The following ZNF687 variants were observed in gnomAD, a reference collection of about 807,000 sequenced individuals.
ZNF687 encodes the protein zinc finger protein 687.
A neutral mutation model predicts 71.8 loss-of-function variants in ZNF687; 13 were observed. That is an observed-to-expected ratio of 0.18 (90% confidence interval 0.12 to 0.29). ZNF687 has a LOEUF of 0.29. Ranked by LOEUF, ZNF687 falls within the 10% of genes least tolerant of loss-of-function variation. The pLI is 1.00. For synonymous variants in ZNF687, 673 were observed against 641.6 expected, an observed-to-expected ratio of 1.05 and a Z score of -0.74; for missense variants, 1,412 against 1,625.6, an observed-to-expected ratio of 0.87 and a Z score of 2.26.
intron 7 of ZNF687, 55 bp from the exon 8 acceptor site, chr1:151,290,377 G>A: frequency 1.2e-6 from 2 of 1,613,260 alleles, no homozygotes; most frequent in East Asian, 2.2e-5. Flanking sequence ...TCAGAAGCAA[G>A]GGCCCTGGCC....
chr1:151,287,283 GGATCAAGA>G lies in ZNF687; in HGVS notation c.993_1000del (p.Ile332HisfsTer2). On this transcript the variant is annotated frameshift_variant, in exon 2 of 9. Transcript: ENST00000336715. LOFTEE classifies it high-confidence loss of function. This position sits in a 1 kb window ranked among gnomAD's most constrained non-coding sequence, Gnocchi z 5.0. The stretch of plus-strand genomic sequence containing the variant: ...AGCTCCTCTAGGCCTCTTAAGGTGC[GGATCAAGA>G]CCATTAAAACATCCTGCGGGAATAT... 1 of 1,614,160 alleles carries G rather than the reference GGATCAAGA, an allele frequency of 6.2e-7. No individual in the cohort carries two copies. The highest frequency in any genetic ancestry group is 1.1e-5 in the South Asian group (1 of 91,080).
rs369579592 is a variant in ZNF687 at position 151,286,882 on chromosome 1, T to G, written c.591T>G (p.Ser197=). Reference sequence around the variant, plus strand: ...CTCTGACCCCGCCTCCTTTCCCCTCTTCCTTTGAGCTGGCCCAGGAGAATG... The same window carrying G: ...CTCTGACCCCGCCTCCTTTCCCCTCGTCCTTTGAGCTGGCCCAGGAGAATG... ...EGALTPPPFP[S]SFELAQENGP... The change falls in exon 2 of 9, where the codon TCT becomes TCG. Residue 197 remains serine (S), a synonymous_variant. Transcript: ENST00000336715. 6.2e-7 allele frequency: 1 copy of G among 1,613,150 alleles called. No individual in the cohort carries two copies. Among genetic ancestry groups the G allele is most frequent in the Non-Finnish European group, 8.5e-7 (1 of 1,179,506 alleles).
At chr1:151,281,590 C>T, upstream of ZNF687, 1 of 471,248 alleles carries the variant, frequency 2.1e-6, no homozygotes, top group Non-Finnish European at 4.4e-6. Flanking sequence ...GCCCCGTCCA[C>T]GCCCTCCCGC....
chr1:151,287,099 C>G lies in ZNF687; in HGVS notation c.808C>G (p.Gln270Glu). 9 of 1,613,930 alleles carry G rather than the reference C, an allele frequency of 5.6e-6. No individual in the cohort carries two copies. Among genetic ancestry groups the G allele is most frequent in the Non-Finnish European group, 6.8e-6 (8 of 1,179,844 alleles). ...VPFFKQSPGH[Q>E]SPLASPKVPV... is the part of the protein sequence containing the mutation. ...CTTCTTCAAGCAGTCTCCAGGGCAC[C>G]AGAGCCCTCTTGCCTCCCCCAAAGT... Residue 270 changes from glutamine to glutamate, a missense_variant, in exon 2 of 9, where the codon CAG becomes GAG. By Grantham distance (29) the Gln-to-Glu change is conservative. This residue lies in a region of ZNF687 where 490 missense variants were observed against 489.9 expected (regional missense o/e 1.00). Coordinates refer to ENST00000336715, the MANE Select transcript of ZNF687 (RefSeq NM_020832.3). The surrounding 1 kb of genome is among the most constrained non-coding windows in gnomAD (Gnocchi z 5.0).
rs903938403 is a variant in ZNF687 at position 151,286,817 on chromosome 1, C to G, written c.526C>G (p.Pro176Ala). 6.2e-7 allele frequency: 1 copy of G among 1,614,212 alleles called. No homozygotes were observed. The highest frequency in any genetic ancestry group is 8.5e-7 in the Non-Finnish European group (1 of 1,180,032). Residue 176 changes from proline to alanine, a missense_variant, in exon 2 of 9, where the codon CCG becomes GCG. Pro to Ala is a conservative substitution (Grantham distance 27). This residue lies in a region of ZNF687 where 490 missense variants were observed against 489.9 expected (regional missense o/e 1.00). Coordinates refer to ENST00000336715, the MANE Select transcript of ZNF687 (RefSeq NM_020832.3). ...FGPEPGDHSD[P>A]LPPSAPSPTR... ...CCCTGAGCCAGGGGACCACTCAGATCCGCTGCCTCCCTCTGCACCCTCTCC... is the reference window on the plus strand; with the variant it reads ...CCCTGAGCCAGGGGACCACTCAGATGCGCTGCCTCCCTCTGCACCCTCTCC...
At position 151,283,500 on chromosome 1, in the gene ZNF687, G is replaced by C. The variant is rs79212650; in HGVS notation, c.-18+1105G>C. Among the ~76,000 whole-genome samples, 659 of 152,150 alleles carry C rather than the reference G, an allele frequency of 4.3e-3. 5 individuals carry two copies. The highest frequency in any genetic ancestry group is 0.014 in the Middle Eastern group (4 of 294). ...AGCTTGGCGGCTTGCTTGGTCGACTGTCTGCTCTGGGTGGGTGGCCATCGG... is the reference window on the plus strand; with the variant it reads ...AGCTTGGCGGCTTGCTTGGTCGACTCTCTGCTCTGGGTGGGTGGCCATCGG... On this transcript the variant is annotated intron_variant, in intron 1 of 8. Coordinates refer to ENST00000336715, the MANE Select transcript of ZNF687 (RefSeq NM_020832.3).
chr1:151,290,374 C>T (rs1398837435), intron 7 of ZNF687, 58 bp from the exon 8 acceptor site: 2 of 1,613,172 alleles, frequency 1.2e-6, no homozygotes, highest in Non-Finnish European at 8.5e-7. Flanking sequence ...TCCTCAGAAG[C>T]AAGGGCCCTG....
rs1326719201 is a variant in ZNF687, at chr1:151,282,402, G to A, written c.-18+7G>A. 2 of 987,146 alleles carry A rather than the reference G, an allele frequency of 2.0e-6. No homozygotes were observed. Among genetic ancestry groups the A allele is most frequent in the Non-Finnish European group, 2.4e-6 (2 of 830,472 alleles). The allele number at this position is 987,146 out of a possible 1,614,324, so 61.1% of individuals were successfully genotyped here. Reference sequence around the variant, plus strand: ...CGCACCAGGAGCGGAACAAGTAAGCGTGCCTGGGGTAAATACCCGCCCTTG... The same window carrying A: ...CGCACCAGGAGCGGAACAAGTAAGCATGCCTGGGGTAAATACCCGCCCTTG... On this transcript the variant is annotated splice_region_variant and intron_variant, in intron 1 of 8. Coordinates refer to ENST00000336715, the MANE Select transcript of ZNF687 (RefSeq NM_020832.3).
chr1:151,290,023 G>A lies in ZNF687; in HGVS notation c.2964+16G>A. The A allele has an allele frequency of 6.3e-7, 1 of 1,595,858 alleles. No homozygotes were observed. Among genetic ancestry groups the A allele is most frequent in the Non-Finnish European group, 8.6e-7 (1 of 1,169,090 alleles). On this transcript the variant is annotated intron_variant, in intron 6 of 8. Coordinates refer to ENST00000336715, the MANE Select transcript of ZNF687 (RefSeq NM_020832.3). ...GCATGGCAAGGTGAGTGGGCCCCAA[G>A]GGGAGTACCATGGGCTGGGGGCAGC... is the stretch of plus-strand genomic sequence containing the variant.
chr1:151,289,954 T>G lies in ZNF687; in HGVS notation c.2911T>G (p.Trp971Gly). 6.4e-7 allele frequency: 1 copy of G among 1,570,292 alleles called. No homozygotes were observed. The highest frequency in any genetic ancestry group is 1.4e-5 in the African/African-American group (1 of 73,832). ...CTGGACCTGTGGCCTGTGTCACTCC[T>G]GGTTCCCTGAGCGTGATGAATACGT... ...GGWTCGLCHS[W>G]FPERDEYVAH... The change falls in exon 6 of 9, where the codon TGG (tryptophan) becomes GGG (glycine). Residue 971 changes from tryptophan to glycine, a missense_variant. By Grantham distance (184) the Trp-to-Gly change is radical (BLOSUM62 -2). Coordinates refer to ENST00000336715, the MANE Select transcript of ZNF687 (RefSeq NM_020832.3).
rs753837597 is a variant in ZNF687 at position 151,287,530 on chromosome 1, G to A, written c.1239G>A (p.Met413Ile). The A allele has an allele frequency of 1.7e-5, 27 of 1,614,162 alleles. 1 individual carries two copies. In the East Asian group the frequency reaches 5.6e-4, roughly 33 times the overall value. The change falls in exon 2 of 9, where the codon ATG becomes ATA. Residue 413 changes from methionine to isoleucine, a missense_variant. By Grantham distance (10) the Met-to-Ile change is conservative (BLOSUM62 1). Around this residue, in one of 8 missense-constraint regions of ZNF687, gnomAD observed 133 missense variants for 155.1 expected, o/e 0.86. Transcript: ENST00000336715. This position sits in a 1 kb window ranked among gnomAD's most constrained non-coding sequence, Gnocchi z 5.0. ...VATIQNASTA[M>I]LMAASVARKA... ...CCATCCAGAACGCCAGTACTGCCAT[G>A]CTGATGGCAGCCAGTGTGGCTCGCA...
In ZNF687 at chr1:151,290,777, A is replaced by G. The variant is rs1303782201; in HGVS notation, c.3282A>G (p.Thr1094=). 6.2e-7 allele frequency: 1 copy of G among 1,613,410 alleles called. No individual in the cohort carries two copies. Among genetic ancestry groups the G allele is most frequent in the Non-Finnish European group, 8.5e-7 (1 of 1,179,848 alleles). ...DSCSEEPDST[T]PPAKSPRGGP... ...GCAGTGAGGAGCCTGACAGCACGAC[A>G]CCGCCAGCCAAGTCCCCCAGGGGCG... Residue 1094 remains threonine, a synonymous_variant, in exon 9 of 9, where the codon ACA becomes ACG. Coordinates refer to ENST00000336715, the MANE Select transcript of ZNF687 (RefSeq NM_020832.3).
At position 151,288,529 on chromosome 1, in the gene ZNF687, T is replaced by C. The variant is rs767314678; in HGVS notation, c.2117T>C (p.Val706Ala). ...TTCCTTGTTTAACCCACTCGACAGG[T>C]GTGCCCAACCTGCCCCATGATGCTC... The part of the protein sequence containing the change: ...GPPAPGATSN[V>A]CPTCPMMLPN... Residue 706 changes from valine (V) to alanine (A), a missense_variant and splice_region_variant, in exon 3 of 9, where the codon GTG (valine) becomes GCG (alanine). Physicochemically the swap from Val to Ala is moderately conservative, Grantham distance 64 (BLOSUM62 0). Transcript: ENST00000336715. 14 of 1,601,290 alleles carry C rather than the reference T, an allele frequency of 8.7e-6. No homozygotes were observed. Among genetic ancestry groups the C allele is most frequent in the Admixed American group, 8.5e-5 (5 of 59,170 alleles).
Position 151,291,034 on chromosome 1 carries a change from C to T in ZNF687, c.3539C>T (p.Pro1180Leu), listed in dbSNP as rs755066245. Reference protein sequence around the residue: ...LGLGDGEEEAPPSRSDPDGGD... With the variant: ...LGLGDGEEEALPSRSDPDGGD... ...CTGGGGGATGGGGAGGAAGAGGCCC[C>T]TCCATCAAGGTCTGACCCCGATGGT... Residue 1180 changes from proline (P) to leucine (L), a missense_variant, in exon 9 of 9, where the codon CCT becomes CTT. Coordinates refer to ENST00000336715, the MANE Select transcript of ZNF687 (RefSeq NM_020832.3). The T allele has an allele frequency of 1.2e-6, 2 of 1,613,900 alleles. No individual in the cohort carries two copies. The highest frequency in any genetic ancestry group is 1.1e-5 in the South Asian group (1 of 91,084).
Position 151,287,361 on chromosome 1 carries a change from C to A in ZNF687, c.1070C>A (p.Ala357Asp). ...GTCCCCTCAGATCCTGATCCACCTG[C>A]CCCCTTGGCTGAGGGGGCCTTCTTG... Reference protein sequence around the residue: ...TQVPSDPDPPAPLAEGAFLAE... With the variant: ...TQVPSDPDPPDPLAEGAFLAE... Residue 357 changes from alanine to aspartate, a missense_variant, in exon 2 of 9, where the codon GCC becomes GAC. This residue lies in a region of ZNF687 where 490 missense variants were observed against 489.9 expected (regional missense o/e 1.00). Transcript: ENST00000336715. This position sits in a 1 kb window ranked among gnomAD's most constrained non-coding sequence, Gnocchi z 5.0. 1 of 1,614,214 alleles carries A rather than the reference C, an allele frequency of 6.2e-7. No individual in the cohort carries two copies. The highest frequency in any genetic ancestry group is 8.5e-7 in the Non-Finnish European group (1 of 1,180,034).
chr1:151,282,047 GCAGACGGA>G, upstream of ZNF687: 1 of 1,282,790 alleles, frequency 7.8e-7, no homozygotes, highest in Middle Eastern at 2.2e-4. Flanking sequence ...CGTAGATGGG[GCAGACGGA>G]CCCCGGCGCA....
In ZNF687 at chr1:151,287,398, C is replaced by T. The variant is rs1268214207; in HGVS notation, c.1107C>T (p.Ser369=). 1.9e-6 allele frequency: 3 copies of T among 1,614,058 alleles called. No individual in the cohort carries two copies. The highest frequency in any genetic ancestry group is 2.7e-5 in the African/African-American group (2 of 74,928). The part of the protein sequence containing the change: ...LAEGAFLAEA[S]LLKLSPATPT... ...AGGGGGCCTTCTTGGCTGAGGCTAG[C>T]CTCTTGAAGCTGTCCCCTGCAACAC... Residue 369 remains serine (S), a synonymous_variant, in exon 2 of 9, where the codon AGC becomes AGT. Transcript: ENST00000336715. This position sits in a 1 kb window ranked among gnomAD's most constrained non-coding sequence, Gnocchi z 5.0.
Position 151,288,643 on chromosome 1 carries a change from A to C in ZNF687, c.2231A>C (p.Gln744Pro). Residue 744 changes from glutamine to proline, a missense_variant, in exon 3 of 9, where the codon CAA (glutamine) becomes CCA (proline). Gln to Pro is a moderately conservative substitution (Grantham distance 76). Coordinates refer to ENST00000336715, the MANE Select transcript of ZNF687 (RefSeq NM_020832.3). ...CCTGAGTGTGGGGGCAACTTCCTGC[A>C]AGCCAATTTTCAGACCCATCTCCGG... ...VCPECGGNFL[Q>P]ANFQTHLREA... 1 of 1,614,114 alleles carries C rather than the reference A, an allele frequency of 6.2e-7. No individual in the cohort carries two copies.
chr1:151,288,479 G>T, intron 2 of ZNF687, 49 bp from the exon 3 acceptor site: 1 of 1,579,234 alleles, frequency 6.3e-7, no homozygotes, highest in South Asian at 1.2e-5. Context: ...TAGAAGTAAT[G>T]GAGACAGGAC....
Sources: gnomAD v4.1 joint callset for allele counts (sites outside exome capture counted in the v4.1 genomes callset) on GRCh38, gnomAD v4.1.1 for gene constraint, gnomAD v4.1.1 regional missense constraint, Gnocchi (gnomAD v3.1) non-coding constraint, MANE v1.5 for transcripts, NCBI Gene and HGNC (gene_info 2026-07-23, HGNC 2026-07-21) for gene names.